Variants in RHOH observed in about 807,000 individuals in gnomAD.
RHOH encodes the protein ras homolog family member H, also known as rho-related GTP-binding protein RhoH.
A neutral mutation model predicts 13.8 loss-of-function variants in RHOH; 6 were observed. The observed-to-expected ratio is 0.44, with a 90% CI of 0.24 to 0.86. The LOEUF (loss-of-function observed/expected upper bound fraction) is 0.86. RHOH is among the 40% of genes least tolerant of loss of function. The probability of loss-of-function intolerance (pLI) is 0.24; values close to 1 mark genes in which losing one functional copy is unlikely to be tolerated. For missense variants in RHOH, 147 were observed against 244.5 expected (o/e 0.60, Z 2.66); for synonymous variants, 117 against 103.0 (o/e 1.14, Z -0.82).
upstream of RHOH, among the ~76,000 whole-genome samples, chr4:40,192,786 C>T (rs2109324702): frequency 6.6e-6 from 1 of 152,296 alleles, no homozygotes; most frequent in Non-Finnish European, 1.5e-5. Context: ...GGCCTTGGGG[C>T]TCTGGCTGCT....
chr4:40,203,237 G>A (rs2109366113), intron 1 of RHOH, among the ~76,000 whole-genome samples: 1 of 152,350 alleles, frequency 6.6e-6, no homozygotes, highest in Non-Finnish European at 1.5e-5. Context: ...CTCCCAAAGT[G>A]CTGGGATTAC....
chr4:40,217,487 G>C (rs189847128), intron 1 of RHOH, among the ~76,000 whole-genome samples: 3 of 152,236 alleles, frequency 2.0e-5, no homozygotes, highest in African/African-American at 7.2e-5. Flanking sequence ...TAAAATCTTA[G>C]TATAGTTTCT....
chr4:40,215,705 G>A (rs1725794192), intron 1 of RHOH, among the ~76,000 whole-genome samples: 1 of 152,168 alleles, frequency 6.6e-6, no homozygotes, highest in African/African-American at 2.4e-5. Context: ...AAGGCGGGTG[G>A]ATCACTTGAG....
chr4:40,243,770 C>T lies in RHOH; in HGVS notation c.384C>T (p.Ala128=). The stretch of plus-strand genomic sequence containing the variant: ...AGCGGGAGATGGGGCCCCACAGGGC[C>T]TCCTGCGTCAATGCCATGGAAGGGA... The part of the protein sequence containing the change: ...TDQREMGPHR[A]SCVNAMEGKK... Residue 128 remains alanine, a synonymous_variant, in exon 3 of 3, where the codon GCC becomes GCT. Transcript: ENST00000381799. This position sits in a 1 kb window ranked among gnomAD's most constrained non-coding sequence, Gnocchi z 6.2. 6.2e-7 allele frequency: 1 copy of T among 1,614,096 alleles called. No individual in the cohort carries two copies. The highest frequency in any genetic ancestry group is 1.1e-5 in the South Asian group (1 of 91,088).
chr4:40,192,197 A>G (rs1722733259), upstream of RHOH, among the ~76,000 whole-genome samples: 1 of 152,202 alleles, frequency 6.6e-6, no homozygotes. Context: ...GCTGGGTGAG[A>G]ATAATTGCAA....
chr4:40,217,094 A>G (rs1470094061), intron 1 of RHOH, among the ~76,000 whole-genome samples: 1 of 152,196 alleles, frequency 6.6e-6, no homozygotes, highest in Non-Finnish European at 1.5e-5. Flanking sequence ...GGTGTGTGAA[A>G]GAGACCTGCT....
intron 1 of RHOH, among the ~76,000 whole-genome samples, chr4:40,228,925 G>T (rs959398417): frequency 1.3e-5 from 2 of 152,110 alleles, no homozygotes; most frequent in African/African-American, 4.8e-5. Context: ...AGCTAATTCT[G>T]CAGAATTCTA....
chr4:40,210,013 G>A (rs192096006), intron 1 of RHOH, among the ~76,000 whole-genome samples: 75 of 152,066 alleles, frequency 4.9e-4, no homozygotes, highest in South Asian at 1.9e-3. Flanking sequence ...GATTCGTTTA[G>A]TGAAAAAGAC....
At chr4:40,198,865 G>A (rs540595195) in intron 1 of RHOH, among the ~76,000 whole-genome samples, 68 of 152,296 alleles carry the variant, frequency 4.5e-4, no homozygotes, top group African/African-American at 1.6e-3. Context: ...GATGGCACGG[G>A]TATGCTTCTG....
rs1028919402 is a variant in RHOH, at chr4:40,245,744, A to G, written c.*1782A>G. On this transcript the variant is annotated 3_prime_UTR_variant, in exon 3 of 3. Transcript: ENST00000381799. The stretch of plus-strand genomic sequence containing the variant: ...TGACTTTGATTAGAATTATGTTGAC[A>G]TAGCCAAACCAGTTTCTCTGTTCCC... 1 of 152,204 alleles carries G rather than the reference A, an allele frequency of 6.6e-6. No homozygotes were observed. Among genetic ancestry groups the G allele is most frequent in the Non-Finnish European group, 1.5e-5 (1 of 68,044 alleles). The allele number at this position is 152,204 out of a possible 1,614,324, so 9.4% of individuals were successfully genotyped here.
chr4:40,237,625 C>G (rs1728744009), intron 1 of RHOH, among the ~76,000 whole-genome samples: 1 of 152,016 alleles, frequency 6.6e-6, no homozygotes, highest in Non-Finnish European at 1.5e-5. Context: ...ATGGTGACTT[C>G]CTGGCCATTT....
rs1325429725 is a variant in RHOH at position 40,245,809 on chromosome 4, A to T, written c.*1847A>T. On this transcript the variant is annotated 3_prime_UTR_variant, in exon 3 of 3. Transcript: ENST00000381799. The stretch of plus-strand genomic sequence containing the variant: ...CCTTACAGCTATAATCAGTATCAAA[A>T]ACCAAATGTGTGCTCATTCACACAT... 1.3e-5 allele frequency: 2 copies of T among 152,162 alleles called. No individual in the cohort carries two copies. The highest frequency in any genetic ancestry group is 2.9e-5 in the Non-Finnish European group (2 of 68,038). 9.4% of individuals were successfully genotyped at this position (152,162 alleles called of 1,614,324 possible).
upstream of RHOH, among the ~76,000 whole-genome samples, chr4:40,193,388 A>T (rs1722804237): frequency 6.6e-6 from 1 of 151,562 alleles, no homozygotes; most frequent in African/African-American, 2.4e-5. Context: ...GGGTGCGTGT[A>T]TGTCTGTGAA....
chr4:40,209,102 A>G (rs1724972998), intron 1 of RHOH, among the ~76,000 whole-genome samples: 1 of 152,134 alleles, frequency 6.6e-6, no homozygotes, highest in Non-Finnish European at 1.5e-5. Context: ...GAGGTTAATA[A>G]AGAAATTAGT....
At chr4:40,195,364 TC>T (rs1723018461), upstream of RHOH, among the ~76,000 whole-genome samples, 3 of 103,914 alleles carry the variant, frequency 2.9e-5, no homozygotes, top group South Asian at 1.1e-3. Context: ...TTTCCTTCCT[TC>T]CTTCCTTCCT....
At chr4:40,194,219 TTTA>T (rs139835778), upstream of RHOH, among the ~76,000 whole-genome samples, 67,161 of 143,232 alleles carry the variant, frequency 0.47, 15,063 homozygotes, top group South Asian at 0.54. Context: ...GTCATTTTTC[TTTA>T]TTATTATTAT....
chr4:40,192,041 T>C (rs1199834423), upstream of RHOH, among the ~76,000 whole-genome samples: 1 of 152,180 alleles, frequency 6.6e-6, no homozygotes, highest in East Asian at 1.9e-4. Flanking sequence ...ATTTAAAAAG[T>C]ATTTTATATG....
At chr4:40,196,325 T>A (rs1723129213), upstream of RHOH, among the ~76,000 whole-genome samples, 1 of 152,232 alleles carries the variant, frequency 6.6e-6, no homozygotes, top group African/African-American at 2.4e-5. Context: ...TTCAATTTGT[T>A]GGGTTAGGCG....
intron 1 of RHOH, among the ~76,000 whole-genome samples, chr4:40,213,944 A>G (rs1725586186): frequency 6.6e-6 from 1 of 151,964 alleles, no homozygotes; most frequent in Admixed American, 6.6e-5. Flanking sequence ...TTTAGTGGAG[A>G]CAGGGTTTCA....
Sources: allele counts gnomAD v4.1 joint callset (sites outside exome capture counted in the v4.1 genomes callset), GRCh38; gene constraint gnomAD v4.1.1; non-coding constraint Gnocchi (gnomAD v3.1); transcripts MANE v1.5; gene names NCBI Gene and HGNC (gene_info 2026-07-23, HGNC 2026-07-21).